ZBBX: variants seen among roughly 807,000 people sequenced by gnomAD.
ZBBX encodes zinc finger B-box domain containing, also known as zinc finger B-box domain-containing protein 1.
A neutral mutation model predicts 108.5 loss-of-function variants in ZBBX; 101 were observed. That is an observed-to-expected ratio of 0.93 (90% CI 0.79 to 1.10). The LOEUF is 1.10. Among genes scored for constraint, ZBBX ranks in the 50% least tolerant of loss-of-function variants. The pLI is 0.00. For synonymous variants in ZBBX, 356 were observed against 323.4 expected, an observed-to-expected ratio of 1.10 and a Z score of -1.08; for missense variants, 1,009 against 941.4, an observed-to-expected ratio of 1.07 and a Z score of -0.94.
chr3:167,221,073 A>G, the ZBBX span, among the ~76,000 whole-genome samples: 1 of 152,000 alleles, frequency 6.6e-6, no homozygotes. Flanking sequence ...AACACAAAAA[A>G]ATAGAAAGAT....
At chr3:167,191,896 C>CATATATATATATAT in the ZBBX span, among the ~76,000 whole-genome samples, 952 of 67,698 alleles carry the variant, frequency 0.014, 56 homozygotes, top group Admixed American at 0.019. Flanking sequence ...TTACAAAAAT[C>CATATATATATATAT]ATATATATAT....
intron 17 of ZBBX, among the ~76,000 whole-genome samples, chr3:167,305,411 C>A (rs1319025038): frequency 6.6e-6 from 1 of 152,056 alleles, no homozygotes; most frequent in Non-Finnish European, 1.5e-5. Context: ...CTTAAAGTAT[C>A]ATTTATCACA....
the ZBBX span, among the ~76,000 whole-genome samples, chr3:167,186,100 T>TAAC: frequency 0.013 from 2,021 of 152,130 alleles, 22 homozygotes; most frequent in South Asian, 0.026. Flanking sequence ...ATTGAAGCTT[T>TAAC]AACAATTTTA....
chr3:167,257,514 T>C (rs938285688), intron 20 of ZBBX, among the ~76,000 whole-genome samples: 1 of 152,188 alleles, frequency 6.6e-6, no homozygotes, highest in Non-Finnish European at 1.5e-5. Context: ...AGTTTAATAC[T>C]AGCTGTGGGT....
At chr3:167,325,094 T>C (rs1210581680) in intron 11 of ZBBX, among the ~76,000 whole-genome samples, 1 of 152,158 alleles carries the variant, frequency 6.6e-6, no homozygotes, top group African/African-American at 2.4e-5. Flanking sequence ...TCTGATTTGT[T>C]TTTTATTTCT....
intron 8 of ZBBX, among the ~76,000 whole-genome samples, chr3:167,351,944 G>A (rs975618364): frequency 1.3e-5 from 2 of 152,072 alleles, no homozygotes; most frequent in African/African-American, 4.8e-5. Context: ...CTGGTTGCTG[G>A]CCCACAACAT....
chr3:167,342,811 A>T (rs36013300), intron 9 of ZBBX, among the ~76,000 whole-genome samples: 1 of 151,016 alleles, frequency 6.6e-6, no homozygotes, highest in Non-Finnish European at 1.5e-5. Flanking sequence ...AAAAAAAAAA[A>T]CAACAAGGGA....
chr3:167,341,963 G>C (rs1376309340), intron 9 of ZBBX, among the ~76,000 whole-genome samples: 1 of 151,440 alleles, frequency 6.6e-6, no homozygotes, highest in Non-Finnish European at 1.5e-5. Context: ...GTATATTACA[G>C]CAAGCAAAAC....
At chr3:167,402,985 A>G (rs757633759) in intron 1 of ZBBX, among the ~76,000 whole-genome samples, 9 of 152,196 alleles carry the variant, frequency 5.9e-5, no homozygotes, top group Admixed American at 2.6e-4. Context: ...AATTGGAAGA[A>G]CAGAAGGATA....
At chr3:167,241,373 G>T (rs1057107367) in intron 21 of ZBBX, among the ~76,000 whole-genome samples, 7 of 152,108 alleles carry the variant, frequency 4.6e-5, no homozygotes, top group African/African-American at 1.2e-4. Flanking sequence ...AATTAATGAC[G>T]GCATTTGTTT....
At chr3:167,246,186 T>C (rs1721539283) in intron 20 of ZBBX, among the ~76,000 whole-genome samples, 1 of 152,228 alleles carries the variant, frequency 6.6e-6, no homozygotes, top group African/African-American at 2.4e-5. Context: ...ACTGATTAAA[T>C]GGTGTCATAT....
At chr3:167,332,638 G>A (rs1414196656) in intron 10 of ZBBX, among the ~76,000 whole-genome samples, 1 of 152,168 alleles carries the variant, frequency 6.6e-6, no homozygotes, top group Non-Finnish European at 1.5e-5. Context: ...GATAAGGCAA[G>A]TAAAGCATTA....
chr3:167,193,598 A>G, the ZBBX span, among the ~76,000 whole-genome samples: 1 of 152,042 alleles, frequency 6.6e-6, no homozygotes, highest in African/African-American at 2.4e-5. Context: ...TGTGGTGAGT[A>G]ATATAGTCAG....
intron 9 of ZBBX, among the ~76,000 whole-genome samples, chr3:167,344,288 C>T (rs756563719): frequency 4.6e-5 from 7 of 151,794 alleles, no homozygotes; most frequent in Non-Finnish European, 1.5e-5. Context: ...GTCAATTATG[C>T]TAATAGTTTC....
At chr3:167,212,833 C>T in the ZBBX span, among the ~76,000 whole-genome samples, 2 of 152,130 alleles carry the variant, frequency 1.3e-5, no homozygotes, top group East Asian at 3.9e-4. Context: ...TGAGGAAATA[C>T]AGAGGAGTCA....
At chr3:167,282,552 T>G (rs1729004088) in intron 19 of ZBBX, 57 bp from the exon 20 acceptor site, 2 of 1,432,268 alleles carry the variant, frequency 1.4e-6, no homozygotes, top group Admixed American at 4.1e-5. Flanking sequence ...AATGAGTACT[T>G]AAAGATACAA....
chr3:167,322,297 T>G (rs1736579647), intron 11 of ZBBX, 60 bp from the exon 12 acceptor site: 1 of 1,355,654 alleles, frequency 7.4e-7, no homozygotes, highest in African/African-American at 1.5e-5. Flanking sequence ...TTACTATATC[T>G]TCTCTTAAGA....
intron 9 of ZBBX, among the ~76,000 whole-genome samples, chr3:167,348,194 G>T: frequency 9.6e-6 from 1 of 104,114 alleles, no homozygotes; most frequent in Non-Finnish European, 1.9e-5. Flanking sequence ...AAGGAAAGAT[G>T]AAAGAAGGAA....
At chr3:167,314,892 T>G (rs1735176550) in intron 15 of ZBBX, among the ~76,000 whole-genome samples, 1 of 152,214 alleles carries the variant, frequency 6.6e-6, no homozygotes, top group Admixed American at 6.5e-5. Context: ...AGAAATGCTA[T>G]TCATTTCCTT....
Sources: allele counts gnomAD v4.1 joint callset (sites outside exome capture counted in the v4.1 genomes callset), GRCh38; gene constraint gnomAD v4.1.1; transcripts MANE v1.5; gene names NCBI Gene and HGNC (gene_info 2026-07-23, HGNC 2026-07-21).